JAM3: variants seen among roughly 807,000 people sequenced by gnomAD.
JAM3 encodes the protein junctional adhesion molecule C.
A neutral mutation model predicts 39.4 loss-of-function variants in JAM3; 31 were observed. The ratio of observed to expected loss-of-function variants is 0.79; its 90% CI spans 0.59 to 1.06. The LOEUF is 1.06. Among genes scored for constraint, JAM3 ranks in the 50% least tolerant of loss-of-function variants. The pLI, the probability that JAM3 is intolerant of heterozygous loss-of-function variation, is 0.00. For missense variants in JAM3, 455 were observed against 391.4 expected, an observed-to-expected ratio of 1.16 and a Z score of -1.37; for synonymous variants, 182 against 148.7, an observed-to-expected ratio of 1.22 and a Z score of -1.63.
chr11:134,106,411 C>T (rs1462010841), intron 1 of JAM3, among the ~76,000 whole-genome samples: 3 of 152,068 alleles, frequency 2.0e-5, no homozygotes, highest in Non-Finnish European at 4.4e-5. Context: ...AAAACCTAGG[C>T]AATACCATTC....
intron 1 of JAM3, among the ~76,000 whole-genome samples, chr11:134,131,623 G>A (rs1014271409): frequency 1.3e-5 from 2 of 152,140 alleles, no homozygotes; most frequent in Admixed American, 6.5e-5. Context: ...ACAGATATTG[G>A]ACTTATTAGC....
chr11:134,107,841 A>T (rs999096820), intron 1 of JAM3, among the ~76,000 whole-genome samples: 3 of 151,596 alleles, frequency 2.0e-5, no homozygotes, highest in Non-Finnish European at 2.9e-5. Context: ...CTGGCTAAGC[A>T]ACAGAGAAAG....
intron 1 of JAM3, among the ~76,000 whole-genome samples, chr11:134,121,280 AAAT>A (rs1942527668): frequency 6.6e-6 from 1 of 152,218 alleles, no homozygotes; most frequent in Non-Finnish European, 1.5e-5. Context: ...CTCAAAACTG[AAAT>A]AAGAAACTGC....
At chr11:134,119,581 T>A (rs992541626) in intron 1 of JAM3, among the ~76,000 whole-genome samples, 1 of 152,194 alleles carries the variant, frequency 6.6e-6, no homozygotes, top group Admixed American at 6.5e-5. Flanking sequence ...CAGTATGGGC[T>A]AGCAGGCTGG....
intron 1 of JAM3, among the ~76,000 whole-genome samples, chr11:134,093,610 CCTTACATCTTATTCGTCATGTTCCAT>C: frequency 1.6e-5 from 2 of 122,192 alleles, no homozygotes; most frequent in Non-Finnish European, 3.4e-5. Flanking sequence ...TCATGTTCCA[CCTTACATCTTATTCGTCATGTTCCAT>C]CTTACATGTC....
chr11:134,150,308 T>A lies in JAM3; in HGVS notation c.*1127T>A, dbSNP rs1943177473. ...AGGTTAGCTTTGAACTGCCTCTTCC[T>A]GAGATGACTAGGACAGTCTGTACCC... On this transcript the variant is annotated 3_prime_UTR_variant, in exon 9 of 9. Coordinates refer to ENST00000299106, the MANE Select transcript of JAM3 (RefSeq NM_032801.5). 6.6e-6 allele frequency: 1 copy of A among 152,384 alleles called. No homozygotes were observed. Among genetic ancestry groups the A allele is most frequent in the Non-Finnish European group, 1.5e-5 (1 of 68,130 alleles). 9.4% of individuals were successfully genotyped at this position (152,384 alleles called of 1,614,324 possible). A position where few individuals can be genotyped will look rare whatever the true frequency, so the allele number is the denominator to read the frequency against.
intron 1 of JAM3, among the ~76,000 whole-genome samples, chr11:134,078,490 AG>A (rs1941609811): frequency 6.6e-6 from 1 of 152,148 alleles, no homozygotes. Context: ...CTCTGGTTTT[AG>A]CCTACAGCTA....
chr11:134,123,826 A>G (rs1002015580), intron 1 of JAM3: 17 of 774,068 alleles, frequency 2.2e-5, no homozygotes, highest in Middle Eastern at 3.7e-4. Context: ...ATTTCTTTCT[A>G]CTGAACACAG....
At chr11:134,144,028 A>T (rs2120870256) in intron 3 of JAM3, among the ~76,000 whole-genome samples, 1 of 152,300 alleles carries the variant, frequency 6.6e-6, no homozygotes, top group Admixed American at 6.5e-5. Flanking sequence ...TGTCTTGCAC[A>T]CCAGGAACTA....
chr11:134,131,968 C>G (rs1942777716), intron 1 of JAM3, among the ~76,000 whole-genome samples: 1 of 152,258 alleles, frequency 6.6e-6, no homozygotes. Flanking sequence ...AGTGGACCAT[C>G]ATATGCATTG....
rs137933261 is a variant in JAM3 at position 134,109,960 on chromosome 11, C to CT, written c.77-29890dup. ...TCCTTTTGGCAGAGTGAAGTGGGGT[C>CT]TGAGTTTTTATTTTCCCTTCACATT... On this transcript the variant is annotated intron_variant, in intron 1 of 8. Coordinates refer to ENST00000299106, the MANE Select transcript of JAM3 (RefSeq NM_032801.5). 9.9e-3 allele frequency among the ~76,000 whole-genome samples: 1,512 copies of CT among 152,294 alleles called. 21 individuals are homozygous for CT. The highest frequency in any genetic ancestry group is 0.034 in the African/African-American group (1,417 of 41,564).
At chr11:134,076,961 A>G (rs1220696847) in intron 1 of JAM3, among the ~76,000 whole-genome samples, 2 of 151,520 alleles carry the variant, frequency 1.3e-5, no homozygotes, top group East Asian at 1.9e-4. Flanking sequence ...CAGCCTCCCA[A>G]GTAACTGGGA....
chr11:134,126,584 C>T (rs4937867), intron 1 of JAM3: 30,128 of 152,152 alleles, frequency 0.2, 3,519 homozygotes, highest in East Asian at 0.36. Flanking sequence ...GTTGCCTGAG[C>T]CTCTTTATTA....
At chr11:134,134,411 A>AAAAAC (rs1555119101) in intron 1 of JAM3, among the ~76,000 whole-genome samples, 1 of 151,280 alleles carries the variant, frequency 6.6e-6, no homozygotes, top group Non-Finnish European at 1.5e-5. Flanking sequence ...AAAAAAAAAA[A>AAAAAC]AAAAAAAAAA....
chr11:134,149,766 T>C lies in JAM3; in HGVS notation c.*585T>C. The C allele has an allele frequency of 2.3e-6, 1 of 435,224 alleles. No homozygotes were observed. Among genetic ancestry groups the C allele is most frequent in the Non-Finnish European group, 4.7e-6 (1 of 213,812 alleles). The allele number at this position is 435,224 out of a possible 1,614,324, so 27.0% of individuals were successfully genotyped here. A position where few individuals can be genotyped will look rare whatever the true frequency, so the allele number is the denominator to read the frequency against. On this transcript the variant is annotated 3_prime_UTR_variant, in exon 9 of 9. Coordinates refer to ENST00000299106, the MANE Select transcript of JAM3 (RefSeq NM_032801.5). ...CAGCATTTTGTAAAAACAACCAAAA[T>C]CAGGAAGGTAAATTGGTTGCTGGAA...
At chr11:134,124,284 C>T (rs1412818183) in intron 1 of JAM3, 21 of 924,772 alleles carry the variant, frequency 2.3e-5, no homozygotes, top group Middle Eastern at 2.9e-4. Flanking sequence ...TACAAGAAAA[C>T]GCATGTTCTC....
At chr11:134,140,848 TACCTC>T (rs1942961568) in intron 3 of JAM3, 78 bp downstream of exon 3, 3 of 1,536,816 alleles carry the variant, frequency 2.0e-6, no homozygotes, top group East Asian at 2.5e-5. Flanking sequence ...GCCAGAAACT[TACCTC>T]AGACTGGTAA....
chr11:134,078,637 G>T (rs577534114), intron 1 of JAM3, among the ~76,000 whole-genome samples: 1 of 152,200 alleles, frequency 6.6e-6, no homozygotes, highest in African/African-American at 2.4e-5. Context: ...GTGAAAACAG[G>T]AATTGGAGCT....
chr11:134,111,298 C>G (rs983138732), intron 1 of JAM3, among the ~76,000 whole-genome samples: 7 of 151,866 alleles, frequency 4.6e-5, no homozygotes, highest in African/African-American at 1.7e-4. Context: ...CCCGCCACCA[C>G]GCCCTGCTAA....
Sources: allele counts gnomAD v4.1 joint callset (sites outside exome capture counted in the v4.1 genomes callset), GRCh38; gene constraint gnomAD v4.1.1; transcripts MANE v1.5; gene names NCBI Gene and HGNC (gene_info 2026-07-23, HGNC 2026-07-21).